The following BTAF1 variants were observed in gnomAD, a reference collection of about 807,000 sequenced individuals.
The protein encoded by BTAF1 is B-TFIID TATA-box binding protein associated factor 1, also known as TATA-binding protein-associated factor 172.
In BTAF1, 38 loss-of-function variants were observed where a neutral mutation model predicts 227.1. The ratio of observed to expected loss-of-function variants is 0.17; its 90% CI spans 0.13 to 0.22. The LOEUF (loss-of-function observed/expected upper bound fraction) is 0.22. BTAF1 is among the 10% of genes least tolerant of loss of function. The pLI is 1.00. For missense variants in BTAF1, 1,598 were observed against 2,204.0 expected, an observed-to-expected ratio of 0.73 and a Z score of 5.51; for synonymous variants, 742 against 751.9, an observed-to-expected ratio of 0.99 and a Z score of 0.21.
chr10:91,968,439 C>A (rs1847075581), intron 14 of BTAF1, among the ~76,000 whole-genome samples: 1 of 152,076 alleles, frequency 6.6e-6, no homozygotes, highest in African/African-American at 2.4e-5. Flanking sequence ...TATTCATTTG[C>A]CTTCTAAGGA....
chr10:91,986,566 G>A (rs1027487832), intron 19 of BTAF1, among the ~76,000 whole-genome samples: 1 of 151,710 alleles, frequency 6.6e-6, no homozygotes, highest in Non-Finnish European at 1.5e-5. Context: ...TTCCCCCTGG[G>A]TTCTCTTCTT....
chr10:91,962,129 G>A (rs1196630634), intron 11 of BTAF1, among the ~76,000 whole-genome samples: 2 of 152,156 alleles, frequency 1.3e-5, no homozygotes, highest in African/African-American at 4.8e-5. Context: ...TTCAGTCAAT[G>A]ATGGGCCACA....
chr10:92,018,136 T>G (rs1380514032), intron 33 of BTAF1, among the ~76,000 whole-genome samples: 2 of 152,088 alleles, frequency 1.3e-5, no homozygotes, highest in Non-Finnish European at 2.9e-5. Flanking sequence ...CAGGATGGAG[T>G]GCAGTGGCAT....
intron 4 of BTAF1, among the ~76,000 whole-genome samples, chr10:91,947,687 G>T: frequency 7.7e-6 from 1 of 130,620 alleles, no homozygotes; most frequent in East Asian, 2.5e-4. Flanking sequence ...GTTATTCTGA[G>T]TCTCTTGCAT....
At chr10:91,947,428 C>T (rs1589777447) in intron 4 of BTAF1, among the ~76,000 whole-genome samples, 1 of 152,054 alleles carries the variant, frequency 6.6e-6, no homozygotes, top group Non-Finnish European at 1.5e-5. Flanking sequence ...TTGCATGTGG[C>T]TATCCTGTTG....
At position 91,927,621 on chromosome 10, in the gene BTAF1, T is replaced by TA. The variant is rs112815997; in HGVS notation, c.14+3541dup. ...GCTCCTAGTGGGTGTTCAGTACATT[T>TA]AAAAAAAAAATGAATGAATGATTTT... On this transcript the variant is annotated intron_variant, in intron 1 of 37. Coordinates refer to ENST00000265990, the MANE Select transcript of BTAF1 (RefSeq NM_003972.3). 8.0e-3 allele frequency among the ~76,000 whole-genome samples: 1,195 copies of TA among 150,284 alleles called. 11 individuals carry two copies. Among genetic ancestry groups the TA allele is most frequent in the African/African-American group, 0.026 (1,061 of 41,164 alleles).
chr10:91,954,359 C>G (rs932451701), intron 6 of BTAF1, among the ~76,000 whole-genome samples: 3 of 151,974 alleles, frequency 2.0e-5, no homozygotes, highest in Admixed American at 6.6e-5. Flanking sequence ...TGCTAAATAG[C>G]CAATGATAAT....
intron 14 of BTAF1, among the ~76,000 whole-genome samples, chr10:91,969,539 T>C (rs1847147710): frequency 6.6e-6 from 1 of 152,204 alleles, no homozygotes; most frequent in Admixed American, 6.5e-5. Context: ...AACTGTTCTT[T>C]TTCGGTTTGC....
chr10:91,981,618 T>TTAA (rs776104564), intron 15 of BTAF1, 25 bp from the exon 16 acceptor site: 3 of 1,555,850 alleles, frequency 1.9e-6, no homozygotes, highest in Middle Eastern at 1.7e-4. Flanking sequence ...AAAATTCACT[T>TTAA]TCATGTCCCC....
At chr10:92,020,288 C>A (rs975938138) in intron 34 of BTAF1, among the ~76,000 whole-genome samples, 1 of 152,078 alleles carries the variant, frequency 6.6e-6, no homozygotes, top group African/African-American at 2.4e-5. Flanking sequence ...CATACTCTAT[C>A]ATTTTGCTGA....
chr10:91,960,301 G>A (rs1589814442), intron 11 of BTAF1, 147 bp downstream of exon 11: 1 of 745,162 alleles, frequency 1.3e-6, no homozygotes, highest in Non-Finnish European at 2.0e-6. Context: ...GAGTGTCATA[G>A]AGATAGGTGG....
chr10:91,968,755 A>G lies in BTAF1; in HGVS notation c.1650+1998A>G, dbSNP rs540067575. ...TCTTATAAGTGTGTAGTAGTATTTC[A>G]TTGTTGTTTTAATTTGCAGTTTCCT... On this transcript the variant is annotated intron_variant, in intron 14 of 37. Coordinates refer to ENST00000265990, the MANE Select transcript of BTAF1 (RefSeq NM_003972.3). Among the ~76,000 whole-genome samples the G allele has an allele frequency of 2.6e-4, 39 of 152,220 alleles. No homozygotes were observed. In the South Asian group the frequency reaches 8.1e-3, roughly 32 times the overall value.
In BTAF1 at chr10:92,011,414, A is replaced by C; in HGVS notation, c.4310A>C (p.Gln1437Pro). 7.7e-7 allele frequency: 1 copy of C among 1,303,014 alleles called. No individual in the cohort carries two copies. Among genetic ancestry groups the C allele is most frequent in the Non-Finnish European group, 1.0e-6 (1 of 992,776 alleles). The allele number at this position is 1,303,014 out of a possible 1,614,324, so 80.7% of individuals were successfully genotyped here. A position where few individuals can be genotyped will look rare whatever the true frequency, so the allele number is the denominator to read the frequency against. ...ATTATTCTTTCTGGAACACCAATCC[A>C]GGTAATTATTTATTATTATTTTTTT... ...YRIILSGTPIQNNVLELWSLF... is the reference protein window; with the variant it reads ...YRIILSGTPIPNNVLELWSLF... Residue 1437 changes from glutamine (Q) to proline (P), a missense_variant and splice_region_variant, in exon 30 of 38, where the codon CAG (glutamine) becomes CCG (proline). Coordinates refer to ENST00000265990, the MANE Select transcript of BTAF1 (RefSeq NM_003972.3).
chr10:91,998,752 TA>T (rs766075965), intron 25 of BTAF1, among the ~76,000 whole-genome samples: 24 of 152,182 alleles, frequency 1.6e-4, no homozygotes, highest in Non-Finnish European at 3.4e-4. Flanking sequence ...TACCAGCTTT[TA>T]TTAATAGTTA....
intron 11 of BTAF1, among the ~76,000 whole-genome samples, chr10:91,961,965 A>G (rs1846554188): frequency 6.6e-6 from 1 of 152,182 alleles, no homozygotes; most frequent in Non-Finnish European, 1.5e-5. Flanking sequence ...GAGAATTCAT[A>G]GTCTTACGTA....
intron 25 of BTAF1, among the ~76,000 whole-genome samples, chr10:92,006,397 C>G (rs903693604): frequency 6.6e-6 from 1 of 152,208 alleles, no homozygotes; most frequent in African/African-American, 2.4e-5. Flanking sequence ...GTTTCATACT[C>G]TCTTACATTG....
rs746106458 is a variant in BTAF1, at chr10:91,989,207, G to A, written c.2481G>A (p.Val827=). The A allele has an allele frequency of 6.2e-7, 1 of 1,613,788 alleles. No individual in the cohort carries two copies. The highest frequency in any genetic ancestry group is 8.5e-7 in the Non-Finnish European group (1 of 1,179,968). Residue 827 remains valine (V), a synonymous_variant, in exon 20 of 38, where the codon GTG becomes GTA. Transcript: ENST00000265990. Reference sequence around the variant, plus strand: ...CATCTTTCGATTTAAATCCTCAAGTGTTACAACAGTTAGATAGTAAACGAC... The same window carrying A: ...CATCTTTCGATTTAAATCCTCAAGTATTACAACAGTTAGATAGTAAACGAC... ...ATSSFDLNPQ[V]LQQLDSKRQQ...
At chr10:91,946,732 G>A (rs573561876) in intron 4 of BTAF1, among the ~76,000 whole-genome samples, 37 of 152,066 alleles carry the variant, frequency 2.4e-4, no homozygotes, top group Non-Finnish European at 4.6e-4. Flanking sequence ...TAACTTGCAC[G>A]TTTTTCATTG....
intron 9 of BTAF1, 77 bp from the exon 10 acceptor site, chr10:91,959,708 T>C: frequency 1.6e-6 from 1 of 632,696 alleles, no homozygotes; most frequent in East Asian, 4.9e-5. Flanking sequence ...AAAAAAATTA[T>C]GTTAAAAAAA....
Sources: gnomAD v4.1 joint callset for allele counts (sites outside exome capture counted in the v4.1 genomes callset) on GRCh38, gnomAD v4.1.1 for gene constraint, MANE v1.5 for transcripts, NCBI Gene and HGNC (gene_info 2026-07-23, HGNC 2026-07-21) for gene names.